The following APOC3 variants were observed in gnomAD, a reference collection of about 807,000 sequenced individuals.
APOC3 encodes apolipoprotein C-III.
A neutral mutation model predicts 7.3 loss-of-function variants in APOC3; 6 were observed. The observed-to-expected ratio is 0.82, with a 90% CI of 0.45 to 1.61. The LOEUF is 1.61. Among genes scored for constraint, APOC3 ranks in the 40% most tolerant of loss-of-function variants. The pLI is 0.01. For missense variants in APOC3, 123 were observed against 124.9 expected (o/e 0.98, Z 0.07); for synonymous variants, 45 against 51.2 (o/e 0.88, Z 0.52).
chr11:116,832,982 G>GCACTGAGAA lies in APOC3; in HGVS notation c.*98_*99insCACTGAGAA. Reference sequence around the variant, plus strand: ...CCCTGTAGGTTGCTTAAAAGGGACAGTATTCTCAGTGCTCTCCTACCCCAC... The same window carrying GCACTGAGAA: ...CCCTGTAGGTTGCTTAAAAGGGACAGCACTGAGAATATTCTCAGTGCTCTCCTACCCCAC... On this transcript the variant is annotated 3_prime_UTR_variant, in exon 4 of 4. Transcript: ENST00000227667. The GCACTGAGAA allele has an allele frequency of 6.5e-7, 1 of 1,542,700 alleles. No individual in the cohort carries two copies. The highest frequency in any genetic ancestry group is 8.9e-7 in the Non-Finnish European group (1 of 1,121,124).
intron 1 of APOC3, among the ~76,000 whole-genome samples, chr11:116,830,147 G>C (rs1341198486): frequency 1.3e-5 from 2 of 152,124 alleles, no homozygotes; most frequent in Non-Finnish European, 2.9e-5. Context: ...AGCTACACAG[G>C]GGGTGGGGCT....
Position 116,832,705 on chromosome 11 carries a change from A to C in APOC3, c.180-59A>C. 2.5e-6 allele frequency: 4 copies of C among 1,613,278 alleles called. No homozygotes were observed. In the South Asian group the frequency reaches 4.4e-5, roughly 18 times the overall value. Reference sequence around the variant, plus strand: ...CAGTGGGGACATGGGTGTGGGTCCCATGGTTGCCTACAGAGGAGTTCTCAT... The same window carrying C: ...CAGTGGGGACATGGGTGTGGGTCCCCTGGTTGCCTACAGAGGAGTTCTCAT... On this transcript the variant is annotated intron_variant, in intron 3 of 3. Transcript: ENST00000227667.
At chr11:116,832,716 C>A in intron 3 of APOC3, 48 bp from the exon 4 acceptor site, 1 of 1,613,712 alleles carries the variant, frequency 6.2e-7, no homozygotes, top group Non-Finnish European at 8.5e-7. Context: ...TGGTTGCCTA[C>A]AGAGGAGTTC....
chr11:116,831,301 C>T (rs1483162144), intron 3 of APOC3, among the ~76,000 whole-genome samples: 8 of 97,388 alleles, frequency 8.2e-5, no homozygotes, highest in East Asian at 7.8e-4. Context: ...TCTTTCTTTC[C>T]TTTCTTTCTC....
rs1313131097 is a variant in APOC3, at chr11:116,832,760, T to C, written c.180-4T>C. The C allele has an allele frequency of 6.2e-6, 10 of 1,614,068 alleles. No homozygotes were observed. Among genetic ancestry groups the C allele is most frequent in the Non-Finnish European group, 8.5e-6 (10 of 1,180,004 alleles). ...TGCTCTGTTGCTTCCCCTGACTGAT[T>C]TAGGGGCTGGGTGACCGATGGCTTC... On this transcript the variant is annotated splice_polypyrimidine_tract_variant and splice_region_variant and intron_variant, in intron 3 of 3. Coordinates refer to ENST00000227667, the MANE Select transcript of APOC3 (RefSeq NM_000040.3).
intron 3 of APOC3, among the ~76,000 whole-genome samples, chr11:116,831,616 CG>C (rs1342941391): frequency 6.6e-6 from 1 of 152,118 alleles, no homozygotes; most frequent in Non-Finnish European, 1.5e-5. Flanking sequence ...CCTCCTGCCT[CG>C]GCCTCCCAAA....
intron 2 of APOC3, 51 bp downstream of exon 2, chr11:116,830,688 A>G: frequency 6.2e-7 from 1 of 1,613,240 alleles, no homozygotes; most frequent in Non-Finnish European, 8.5e-7. Flanking sequence ...CAACTTGGGG[A>G]TCCCAGTCCC....
chr11:116,831,271 CT>C lies in APOC3; in HGVS notation c.179+378del, dbSNP rs1565336562. 5.6e-4 allele frequency among the ~76,000 whole-genome samples: 40 copies of C among 71,338 alleles called. No individual in the cohort carries two copies. The East Asian group carries it at 6.6e-3, about 12-fold the overall frequency. The allele number at this position is 71,338 out of a possible 152,430, so 46.8% of individuals were successfully genotyped here. A position where few individuals can be genotyped will look rare whatever the true frequency, so the allele number is the denominator to read the frequency against. On this transcript the variant is annotated intron_variant, in intron 3 of 3. Transcript: ENST00000227667. The stretch of plus-strand genomic sequence containing the variant: ...TTTCTTTCTTTCCTTTCTTTCTTTC[CT>C]TTCTTTCTTTCCTTTCTTTCTTTCT...
chr11:116,831,197 C>CT (rs1555055850), intron 3 of APOC3: 1 of 41,956 alleles, frequency 2.4e-5, no homozygotes, highest in East Asian at 3.0e-4. Context: ...CTATTTCTTT[C>CT]TTTCTTTCTT....
rs745617955 is a variant in APOC3, at chr11:116,830,905, G to T, written c.179+9G>T. 6.2e-7 allele frequency: 1 copy of T among 1,611,426 alleles called. No individual in the cohort carries two copies. The highest frequency in any genetic ancestry group is 1.7e-5 in the Admixed American group (1 of 59,916). On this transcript the variant is annotated intron_variant, in intron 3 of 3. Transcript: ENST00000227667. The stretch of plus-strand genomic sequence containing the variant: ...GTGGCCCAGCAGGCCAGGTACACCC[G>T]CTGGCCTCCCTCCCCATCCCCCCTG...
chr11:116,830,522 C>G, intron 1 of APOC3, 48 bp from the exon 2 acceptor site: 1 of 1,606,810 alleles, frequency 6.2e-7, no homozygotes, highest in Non-Finnish European at 8.5e-7. Context: ...GGGAGGGGTC[C>G]AGAGGCATGG....
Position 116,830,718 on chromosome 11 carries a change from GC to G in APOC3, c.56-52del. ...AGTCCCAATGGGTGGTCAAGCAGGA[GC>G]CCAGGGCTCGTCCAGAGGCCGATCC... On this transcript the variant is annotated intron_variant, in intron 2 of 3. Transcript: ENST00000227667. The G allele has an allele frequency of 1.2e-6, 2 of 1,613,136 alleles. 1 individual carries two copies. Among genetic ancestry groups the G allele is most frequent in the South Asian group, 2.2e-5 (2 of 91,006 alleles).
intron 3 of APOC3, among the ~76,000 whole-genome samples, chr11:116,832,146 C>A (rs539057093): frequency 6.6e-6 from 1 of 152,330 alleles, no homozygotes; most frequent in South Asian, 2.1e-4. Flanking sequence ...TCCCATCCTG[C>A]CCCTGCCCAT....
intron 3 of APOC3, among the ~76,000 whole-genome samples, chr11:116,831,735 G>A (rs1421071949): frequency 1.3e-5 from 2 of 152,324 alleles, no homozygotes; most frequent in South Asian, 2.1e-4. Context: ...GACCAGTTTT[G>A]TGGTGGACAA....
rs770499173 is a variant in APOC3, at chr11:116,832,838, G to T, written c.254G>T (p.Trp85Leu). 1 of 1,614,074 alleles carries T rather than the reference G, an allele frequency of 6.2e-7. No individual in the cohort carries two copies. Among genetic ancestry groups the T allele is most frequent in the East Asian group, 2.2e-5 (1 of 44,888 alleles). ...GTTAAGGACAAGTTCTCTGAGTTCT[G>T]GGATTTGGACCCTGAGGTCAGACCA... ...STVKDKFSEF[W>L]DLDPEVRPTS... Residue 85 changes from tryptophan (W) to leucine (L), a missense_variant, in exon 4 of 4, where the codon TGG becomes TTG. Coordinates refer to ENST00000227667, the MANE Select transcript of APOC3 (RefSeq NM_000040.3).
rs369731620 is a variant in APOC3 at position 116,830,831 on chromosome 11, C to T, written c.114C>T (p.His38=). Residue 38 remains histidine, a synonymous_variant, in exon 3 of 4, where the codon CAC becomes CAT. Coordinates refer to ENST00000227667, the MANE Select transcript of APOC3 (RefSeq NM_000040.3). The stretch of plus-strand genomic sequence containing the variant: ...GCTTCATGCAGGGTTACATGAAGCA[C>T]GCCACCAAGACCGCCAAGGATGCAC... The part of the protein sequence containing the change: ...LLSFMQGYMK[H]ATKTAKDALS... 147 of 1,613,080 alleles carry T rather than the reference C, an allele frequency of 9.1e-5. No individual in the cohort carries two copies. Among genetic ancestry groups the T allele is most frequent in the Non-Finnish European group, 1.1e-4 (135 of 1,179,958 alleles).
At position 116,830,753 on chromosome 11, in the gene APOC3, C is replaced by T. The variant is rs751544205; in HGVS notation, c.56-20C>T. ...CGTCCAGAGGCCGATCCACCCCACT[C>T]AGCCCTGCTCTTTCCTCAGGAGCTT... On this transcript the variant is annotated intron_variant, in intron 2 of 3. Coordinates refer to ENST00000227667, the MANE Select transcript of APOC3 (RefSeq NM_000040.3). The T allele has an allele frequency of 6.2e-7, 1 of 1,613,328 alleles. No homozygotes were observed. Among genetic ancestry groups the T allele is most frequent in the Non-Finnish European group, 8.5e-7 (1 of 1,179,986 alleles).
At position 116,830,414 on chromosome 11, in the gene APOC3, G is replaced by A. The variant is rs1941432445; in HGVS notation, c.-13-156G>A. The A allele has an allele frequency of 4.0e-6, 3 of 758,702 alleles. No homozygotes were observed. In the South Asian group the frequency reaches 4.7e-5, roughly 12 times the overall value. The allele number at this position is 758,702 out of a possible 1,614,324, so 47.0% of individuals were successfully genotyped here. A position where few individuals can be genotyped will look rare whatever the true frequency, so the allele number is the denominator to read the frequency against. On this transcript the variant is annotated intron_variant, in intron 1 of 3. Transcript: ENST00000227667. ...GGCCTCGATCCCTCGCCCCTCACCA[G>A]TCCCCCTTCTGAGAGCCCGTATTAG...
At position 116,830,784 on chromosome 11, in the gene APOC3, G is replaced by A. The variant is rs1261591521; in HGVS notation, c.67G>A (p.Ala23Thr). The part of the protein sequence containing the change: ...ALLASARASE[A>T]EDASLLSFMQ... ...TGCTCTTTCCTCAGGAGCTTCAGAG[G>A]CCGAGGATGCCTCCCTTCTCAGCTT... Residue 23 changes from alanine (A) to threonine (T), a missense_variant, in exon 3 of 4, where the codon GCC becomes ACC. Transcript: ENST00000227667. 2.5e-6 allele frequency: 4 copies of A among 1,613,324 alleles called. No individual in the cohort carries two copies. The highest frequency in any genetic ancestry group is 1.6e-4 in the Middle Eastern group (1 of 6,062).
Sources: allele counts gnomAD v4.1 joint callset (sites outside exome capture counted in the v4.1 genomes callset), GRCh38; gene constraint gnomAD v4.1.1; transcripts MANE v1.5; gene names NCBI Gene and HGNC (gene_info 2026-07-23, HGNC 2026-07-21).